NCOR1: variants seen among roughly 807,000 people sequenced by gnomAD.
The protein encoded by NCOR1 is protein phosphatase 1, regulatory subunit 109.
A neutral mutation model predicts 288.1 loss-of-function variants in NCOR1; 63 were observed. The ratio of observed to expected loss-of-function variants is 0.22; its 90% CI spans 0.18 to 0.27. NCOR1 has a LOEUF of 0.27. Among genes scored for constraint, NCOR1 ranks in the 10% least tolerant of loss-of-function variants. The probability of loss-of-function intolerance (pLI) is 1.00; values close to 1 mark genes in which losing one functional copy is unlikely to be tolerated. For missense variants in NCOR1, 2,397 were observed against 3,019.2 expected (o/e 0.79, Z 4.83); for synonymous variants, 1,007 against 1,065.9 (o/e 0.94, Z 1.08).
chr17:16,181,216 T>TATGTAC (rs1363210096), intron 3 of NCOR1, among the ~76,000 whole-genome samples: 2 of 127,616 alleles, frequency 1.6e-5, no homozygotes, highest in Non-Finnish European at 3.2e-5. Context: ...TATGTATGTG[T>TATGTAC]GTGTGTGTGT....
intron 7 of NCOR1, 82 bp from the exon 8 acceptor site, chr17:16,152,080 G>A (rs939555374): frequency 1.2e-5 from 10 of 853,204 alleles, no homozygotes; most frequent in African/African-American, 1.2e-4. Flanking sequence ...TTTAATGTAA[G>A]CACAGGTAAA....
intron 22 of NCOR1, chr17:16,087,401 T>C (rs1405060529): frequency 1.9e-5 from 22 of 1,189,176 alleles, no homozygotes; most frequent in Non-Finnish European, 2.4e-5. Context: ...AAATAGTAAG[T>C]GTGAAAGGAC....
intron 40 of NCOR1, 88 bp from the exon 41 acceptor site, chr17:16,049,076 T>A: frequency 7.3e-7 from 1 of 1,365,354 alleles, no homozygotes; most frequent in African/African-American, 1.5e-5. Flanking sequence ...ATGACTTCAT[T>A]CAGGAGAAGG....
chr17:16,210,157 G>A (rs939259193), intron 1 of NCOR1, among the ~76,000 whole-genome samples: 5 of 152,188 alleles, frequency 3.3e-5, no homozygotes, highest in Non-Finnish European at 5.9e-5. Flanking sequence ...GCTGAGGCGG[G>A]AGGATCACCT....
In NCOR1 at chr17:16,040,599, T is replaced by C. The variant is rs1038415388; in HGVS notation, c.6680-105A>G. On this transcript the variant is annotated intron_variant, in intron 42 of 45. Coordinates refer to ENST00000268712, the MANE Select transcript of NCOR1 (RefSeq NM_006311.4). The stretch of plus-strand genomic sequence containing the variant: ...ATAAAATTAATCTTTTTATTTTTCA[T>C]GATCTCAACCTTTATTTCTCACCCA... 10 of 978,630 alleles carry C rather than the reference T, an allele frequency of 1.0e-5. No homozygotes were observed. In the African/African-American group the frequency reaches 1.5e-4, roughly 14 times the overall value. 60.6% of individuals were successfully genotyped at this position (978,630 alleles called of 1,614,324 possible).
intron 21 of NCOR1, among the ~76,000 whole-genome samples, chr17:16,096,927 C>G (rs1453348076): frequency 6.6e-6 from 1 of 152,180 alleles, no homozygotes; most frequent in Non-Finnish European, 1.5e-5. Flanking sequence ...TATACAGATA[C>G]AATGGAGTAT....
rs114088671 is a variant in NCOR1 at position 16,030,991 on chromosome 17, A to G, written c.*1305T>C. 6.7e-3 allele frequency: 1,316 copies of G among 196,544 alleles called. 16 individuals are homozygous for G. Among genetic ancestry groups the G allele is most frequent in the African/African-American group, 0.028 (1,233 of 43,452 alleles). 12.2% of individuals were successfully genotyped at this position (196,544 alleles called of 1,614,324 possible). On this transcript the variant is annotated 3_prime_UTR_variant, in exon 46 of 46. Transcript: ENST00000268712. ...CATTCTCCCAAAACTGTTAGTATCT[A>G]TGTTATAGAAAGATACTTAAATGCT...
intron 14 of NCOR1, among the ~76,000 whole-genome samples, chr17:16,127,237 A>C (rs894060532): frequency 7.1e-6 from 1 of 141,056 alleles, no homozygotes; most frequent in Non-Finnish European, 1.5e-5. Flanking sequence ...ACATGTATGC[A>C]TATATGTATG....
intron 15 of NCOR1, 131 bp from the exon 16 acceptor site, chr17:16,121,400 T>A (rs1403664511): frequency 2.2e-5 from 14 of 635,624 alleles, no homozygotes; most frequent in East Asian, 3.1e-5. Flanking sequence ...AAAAAAAAAA[T>A]TATCAACAAT....
chr17:16,133,160 G>C (rs914486006), intron 14 of NCOR1, among the ~76,000 whole-genome samples: 5 of 151,958 alleles, frequency 3.3e-5, no homozygotes, highest in South Asian at 2.1e-4. Flanking sequence ...ATAGAGACAG[G>C]GTTTCAGCAT....
At chr17:16,151,606 C>T in intron 8 of NCOR1, 1 of 1,346,344 alleles carries the variant, frequency 7.4e-7, no homozygotes, top group Non-Finnish European at 9.8e-7. Flanking sequence ...ATGCGCCTTG[C>T]AGGTACTCCA....
chr17:16,098,141 C>G (rs899376687), intron 21 of NCOR1, among the ~76,000 whole-genome samples: 1 of 152,072 alleles, frequency 6.6e-6, no homozygotes. Context: ...ATTTCGCATT[C>G]GAAAGATGAA....
chr17:16,118,589 G>GCA (rs1568135619), intron 17 of NCOR1, among the ~76,000 whole-genome samples: 1 of 152,008 alleles, frequency 6.6e-6, no homozygotes, highest in Non-Finnish European at 1.5e-5. Flanking sequence ...ATATATATAT[G>GCA]CACACACATA....
chr17:16,202,214 A>C (rs1600499035), intron 1 of NCOR1, among the ~76,000 whole-genome samples: 1 of 124,248 alleles, frequency 8.0e-6, no homozygotes. Flanking sequence ...AAAGGGCGAG[A>C]CTCCATCTCA....
At chr17:16,213,732 GAGT>G (rs940206775) in intron 1 of NCOR1, among the ~76,000 whole-genome samples, 6 of 152,094 alleles carry the variant, frequency 3.9e-5, no homozygotes, top group African/African-American at 1.4e-4. Context: ...AACCCTAGGA[GAGT>G]AGATGTTTAC....
chr17:16,141,718 T>G lies in NCOR1; in HGVS notation c.1173+1888A>C, dbSNP rs184870605. ...TAATTTTTCATGAGATCAAGCAACT[T>G]GATGGTTTAATTTACCATTGTATTC... On this transcript the variant is annotated intron_variant, in intron 11 of 45. Coordinates refer to ENST00000268712, the MANE Select transcript of NCOR1 (RefSeq NM_006311.4). 1.4e-3 allele frequency among the ~76,000 whole-genome samples: 216 copies of G among 152,292 alleles called. 3 individuals carry two copies. Among genetic ancestry groups the G allele is most frequent in the African/African-American group, 5.0e-3 (207 of 41,572 alleles).
intron 9 of NCOR1, 110 bp downstream of exon 9, chr17:16,149,341 T>C: frequency 2.6e-6 from 1 of 389,426 alleles, no homozygotes; most frequent in Non-Finnish European, 4.9e-6. Context: ...TCAGCACTTA[T>C]CCTCAAATGG....
chr17:16,103,136 T>A (rs1372042688), intron 19 of NCOR1, among the ~76,000 whole-genome samples: 1 of 152,244 alleles, frequency 6.6e-6, no homozygotes, highest in Non-Finnish European at 1.5e-5. Context: ...AAATTCAGTA[T>A]GTCCTGTACT....
At chr17:16,042,204 G>A (rs2057840683) in intron 42 of NCOR1, among the ~76,000 whole-genome samples, 1 of 152,206 alleles carries the variant, frequency 6.6e-6, no homozygotes, top group Non-Finnish European at 1.5e-5. Context: ...AATGGCCATG[G>A]ATGACAGTCT....
Sources: gnomAD v4.1 joint callset for allele counts (sites outside exome capture counted in the v4.1 genomes callset) on GRCh38, gnomAD v4.1.1 for gene constraint, MANE v1.5 for transcripts, NCBI Gene and HGNC (gene_info 2026-07-23, HGNC 2026-07-21) for gene names.